Variants in MARCHF7 observed in about 807,000 individuals in gnomAD.
MARCHF7 encodes the protein membrane associated ring-CH-type finger 7.
Under a neutral mutation model 76.5 loss-of-function variants are expected in MARCHF7, and 20 were observed. The observed-to-expected ratio is 0.26, with a 90% CI of 0.18 to 0.38. The LOEUF is 0.38. MARCHF7 is among the 10% of genes least tolerant of loss of function. The probability of loss-of-function intolerance (pLI) is 1.00; values close to 1 mark genes in which losing one functional copy is unlikely to be tolerated. For synonymous variants in MARCHF7, 295 were observed against 293.0 expected (o/e 1.01, Z -0.07); for missense variants, 797 against 812.9 (o/e 0.98, Z 0.24).
At chr2:159,761,918 A>G (rs1707159923) in intron 9 of MARCHF7, among the ~76,000 whole-genome samples, 1 of 152,136 alleles carries the variant, frequency 6.6e-6, no homozygotes, top group African/African-American at 2.4e-5. Context: ...TGTGGGGGGA[A>G]AAGAGAAACT....
chr2:159,732,953 TTA>T, intron 4 of MARCHF7: 1 of 983,674 alleles, frequency 1.0e-6, no homozygotes, highest in Non-Finnish European at 1.2e-6. Context: ...ATTGTTAAGA[TTA>T]ATTGAAAGAA....
chr2:159,753,351 C>T (rs1022806388), intron 8 of MARCHF7, among the ~76,000 whole-genome samples: 1 of 151,928 alleles, frequency 6.6e-6, no homozygotes, highest in Non-Finnish European at 1.5e-5. Flanking sequence ...ACGGGCGGAT[C>T]ACGAGGTCAG....
chr2:159,767,770 AT>A lies in MARCHF7; in HGVS notation c.*434del, dbSNP rs1465471644. The A allele has an allele frequency of 6.6e-6, 1 of 152,534 alleles. No homozygotes were observed. The highest frequency in any genetic ancestry group is 1.5e-5 in the Non-Finnish European group (1 of 68,054). 9.4% of individuals were successfully genotyped at this position (152,534 alleles called of 1,614,324 possible). On this transcript the variant is annotated 3_prime_UTR_variant, in exon 12 of 12. Transcript: ENST00000409175. ...ATAAAATGCTATATGGCACCTAATT[AT>A]TTTTTCTTTTAAAATGCCTTAAGTT...
At position 159,764,638 on chromosome 2, in the gene MARCHF7, G is replaced by A; in HGVS notation, c.2020G>A (p.Ala674Thr). ...GCATTGTTTCTAGTTTATTAACCTT[G>A]CAAGAACTCTTCAGGCACATATGGA... ...PSTRVRFINL[A>T]RTLQAHMEDL... The change falls in exon 11 of 12, where the codon GCA becomes ACA. Residue 674 changes from alanine to threonine, a missense_variant. Coordinates refer to ENST00000409175, the MANE Select transcript of MARCHF7 (RefSeq NM_001282805.2). 6.2e-7 allele frequency: 1 copy of A among 1,601,390 alleles called. No homozygotes were observed. Among genetic ancestry groups the A allele is most frequent in the African/African-American group, 1.3e-5 (1 of 74,174 alleles).
intron 8 of MARCHF7, among the ~76,000 whole-genome samples, chr2:159,758,819 G>T (rs1449331751): frequency 6.6e-6 from 1 of 152,188 alleles, no homozygotes; most frequent in East Asian, 1.9e-4. Flanking sequence ...CAAAGATACT[G>T]GCTTGGGTGT....
At chr2:159,738,222 G>A (rs1343012137) in intron 4 of MARCHF7, among the ~76,000 whole-genome samples, 3 of 152,156 alleles carry the variant, frequency 2.0e-5, no homozygotes, top group African/African-American at 7.2e-5. Context: ...ACTGAGGAAC[G>A]CAGTGGCACC....
chr2:159,726,102 G>A (rs1046422946), intron 3 of MARCHF7, among the ~76,000 whole-genome samples: 3 of 152,020 alleles, frequency 2.0e-5, no homozygotes, highest in Non-Finnish European at 2.9e-5. Flanking sequence ...GATGGGGGGT[G>A]GTAGGGACAC....
chr2:159,745,921 T>G lies in MARCHF7; in HGVS notation c.498T>G (p.Asp166Glu), dbSNP rs1401477001. The G allele has an allele frequency of 2.5e-6, 4 of 1,608,984 alleles. No homozygotes were observed. In the African/African-American group the frequency reaches 5.4e-5, roughly 22 times the overall value. The change falls in exon 6 of 12, where the codon GAT becomes GAG. Residue 166 changes from aspartate (D) to glutamate (E), a missense_variant. Asp to Glu is a conservative substitution (Grantham distance 45). Coordinates refer to ENST00000409175, the MANE Select transcript of MARCHF7 (RefSeq NM_001282805.2). Reference protein sequence around the residue: ...NLMDYSHRSGDFTTSSYVQDR... With the variant: ...NLMDYSHRSGEFTTSSYVQDR... ...TGGATTATAGTCACCGAAGTGGTGATTTCACAACTTCATCATGTATGTATA... is the reference window on the plus strand; with the variant it reads ...TGGATTATAGTCACCGAAGTGGTGAGTTCACAACTTCATCATGTATGTATA...
At chr2:159,719,537 G>A (rs576309612) in intron 3 of MARCHF7, among the ~76,000 whole-genome samples, 2 of 152,060 alleles carry the variant, frequency 1.3e-5, no homozygotes, top group Admixed American at 6.5e-5. Context: ...CCATTTCCAC[G>A]ACTTTGGGTC....
At chr2:159,743,641 T>A (rs1239068377) in intron 5 of MARCHF7, among the ~76,000 whole-genome samples, 1 of 152,230 alleles carries the variant, frequency 6.6e-6, no homozygotes, top group Admixed American at 6.5e-5. Flanking sequence ...GTACATAATA[T>A]TTATTTTCAG....
intron 4 of MARCHF7, among the ~76,000 whole-genome samples, chr2:159,741,360 C>A (rs996573323): frequency 1.3e-5 from 2 of 152,044 alleles, no homozygotes; most frequent in African/African-American, 4.8e-5. Context: ...CAAAAAAAAA[C>A]AACAAAAAAA....
intron 11 of MARCHF7, among the ~76,000 whole-genome samples, chr2:159,766,693 A>G (rs1045818356): frequency 6.6e-6 from 1 of 152,190 alleles, no homozygotes; most frequent in African/African-American, 2.4e-5. Flanking sequence ...AGACAGGGGA[A>G]TAATCTCAAC....
chr2:159,749,739 G>T (rs1299813585), intron 7 of MARCHF7, among the ~76,000 whole-genome samples: 2 of 131,336 alleles, frequency 1.5e-5, no homozygotes, highest in Non-Finnish European at 3.4e-5. Context: ...GGTTGGGGCG[G>T]GGGGGGCGGT....
intron 4 of MARCHF7, among the ~76,000 whole-genome samples, chr2:159,739,312 G>T (rs1194622541): frequency 6.6e-6 from 1 of 152,242 alleles, no homozygotes; most frequent in East Asian, 1.9e-4. Flanking sequence ...AGCCGCTCCA[G>T]ATGAACTGCT....
At chr2:159,760,708 C>T (rs974996155) in intron 9 of MARCHF7, among the ~76,000 whole-genome samples, 1 of 147,410 alleles carries the variant, frequency 6.8e-6, no homozygotes. Context: ...CAGTTTTTTC[C>T]TTTTTTGTTT....
chr2:159,714,555 A>G lies in MARCHF7; in HGVS notation c.-142-2A>G, dbSNP rs1700815654. On this transcript the variant is annotated splice_acceptor_variant, in intron 1 of 11. Coordinates refer to ENST00000409175, the MANE Select transcript of MARCHF7 (RefSeq NM_001282805.2). LOFTEE classifies it low-confidence loss of function (5UTR_SPLICE). ...AAGTCATGATATTATGGTTTGTTTT[A>G]GGAATTCATGATTTGTTCCTGTAGC... 6.6e-6 allele frequency: 1 copy of G among 152,230 alleles called. No homozygotes were observed. The highest frequency in any genetic ancestry group is 2.4e-5 in the African/African-American group (1 of 41,464). 9.4% of individuals were successfully genotyped at this position (152,230 alleles called of 1,614,324 possible). A position where few individuals can be genotyped will look rare whatever the true frequency, so the allele number is the denominator to read the frequency against.
intron 3 of MARCHF7, among the ~76,000 whole-genome samples, chr2:159,727,655 G>A (rs918276055): frequency 2.0e-5 from 3 of 152,160 alleles, no homozygotes; most frequent in Non-Finnish European, 2.9e-5. Context: ...ACTCCCAAGT[G>A]GAAACAATCT....
intron 4 of MARCHF7, among the ~76,000 whole-genome samples, chr2:159,741,288 C>G (rs1167807259): frequency 6.6e-6 from 1 of 151,988 alleles, no homozygotes; most frequent in African/African-American, 2.4e-5. Context: ...AGGATCAAGG[C>G]AGCAGTGAGC....
At chr2:159,764,255 T>TGTGTGCGCGCGCGC (rs10592175) in intron 10 of MARCHF7, among the ~76,000 whole-genome samples, 70 of 131,468 alleles carry the variant, frequency 5.3e-4, no homozygotes, top group Non-Finnish European at 7.3e-4. Context: ...TGTGTGTGTG[T>TGTGTGCGCGCGCGC]GCGCGCGCCC....
Sources: gnomAD v4.1 joint callset for allele counts (sites outside exome capture counted in the v4.1 genomes callset) on GRCh38, gnomAD v4.1.1 for gene constraint, MANE v1.5 for transcripts, NCBI Gene and HGNC (gene_info 2026-07-23, HGNC 2026-07-21) for gene names.